Variants in MAPK8IP3 observed in about 807,000 individuals in gnomAD.
The protein encoded by MAPK8IP3 is C-Jun-amino-terminal kinase-interacting protein 3.
A neutral mutation model predicts 157.8 loss-of-function variants in MAPK8IP3; 49 were observed. The observed-to-expected ratio is 0.31, with a 90% CI of 0.25 to 0.39. The LOEUF is 0.39. Ranked by LOEUF, MAPK8IP3 falls within the 10% of genes least tolerant of loss-of-function variation. The probability of loss-of-function intolerance (pLI) is 1.00; values close to 1 mark genes in which losing one functional copy is unlikely to be tolerated. For synonymous variants in MAPK8IP3, 897 were observed against 777.7 expected, an observed-to-expected ratio of 1.15 and a Z score of -2.55; for missense variants, 1,478 against 1,889.4, an observed-to-expected ratio of 0.78 and a Z score of 4.04.
At position 1,768,880 on chromosome 16, in the gene MAPK8IP3, C is replaced by A; in HGVS notation, c.*56C>A. 6.3e-7 allele frequency: 1 copy of A among 1,589,150 alleles called. No individual in the cohort carries two copies. The highest frequency in any genetic ancestry group is 1.1e-5 in the South Asian group (1 of 90,088). ...ATAGGACCCCCGACCACCTGACCCCCGCCCGGCCCGCGGGGTAGCCAGCCA... is the reference window on the plus strand; with the variant it reads ...ATAGGACCCCCGACCACCTGACCCCAGCCCGGCCCGCGGGGTAGCCAGCCA... On this transcript the variant is annotated 3_prime_UTR_variant, in exon 32 of 32. Coordinates refer to ENST00000610761, the MANE Select transcript of MAPK8IP3 (RefSeq NM_001318852.2).
In MAPK8IP3 at chr16:1,768,634, G is replaced by A; in HGVS notation, c.3892+8G>A. 1.2e-6 allele frequency: 2 copies of A among 1,608,042 alleles called. No individual in the cohort carries two copies. Among genetic ancestry groups the A allele is most frequent in the Non-Finnish European group, 1.7e-6 (2 of 1,177,846 alleles). On this transcript the variant is annotated splice_region_variant and intron_variant, in intron 31 of 31. Transcript: ENST00000610761. ...ACATCGACTTCCGCATTGGTGAGCGGGGCCCAGGGACAGGGCTGAGGTTGG... is the reference window on the plus strand; with the variant it reads ...ACATCGACTTCCGCATTGGTGAGCGAGGCCCAGGGACAGGGCTGAGGTTGG...
At chr16:1,745,211 G>C (rs903470222) in intron 5 of MAPK8IP3, 8 of 983,042 alleles carry the variant, frequency 8.1e-6, no homozygotes, top group Non-Finnish European at 9.7e-6. Context: ...CAGCCACCAT[G>C]AGGGTCAGGA....
chr16:1,750,664 A>C (rs1359549053), intron 8 of MAPK8IP3, among the ~76,000 whole-genome samples: 1 of 143,484 alleles, frequency 7.0e-6, no homozygotes, highest in Non-Finnish European at 1.5e-5. Context: ...TTTTTTTTTG[A>C]GACGGAGTCC....
At position 1,768,731 on chromosome 16, in the gene MAPK8IP3, G is replaced by C; in HGVS notation, c.3921G>C (p.Glu1307Asp). The change falls in exon 32 of 32, where the codon GAG becomes GAC. Residue 1307 changes from glutamate (E) to aspartate (D), a missense_variant. Glu to Asp is a conservative substitution (Grantham distance 45). Coordinates refer to ENST00000610761, the MANE Select transcript of MAPK8IP3 (RefSeq NM_001318852.2). ...IGDGEDDETEEGAGDMSQVKP... is the reference protein window; with the variant it reads ...IGDGEDDETEDGAGDMSQVKP... ...ACGGAGAGGACGACGAGACGGAGGA[G>C]GGCGCAGGGGACATGAGCCAGGTGA... 1 of 1,612,776 alleles carries C rather than the reference G, an allele frequency of 6.2e-7. No homozygotes were observed. The highest frequency in any genetic ancestry group is 8.5e-7 in the Non-Finnish European group (1 of 1,179,858).
In MAPK8IP3 at chr16:1,751,877, C is replaced by T. The variant is rs2141880562; in HGVS notation, c.1216+3157C>T. On this transcript the variant is annotated intron_variant, in intron 8 of 31. Coordinates refer to ENST00000610761, the MANE Select transcript of MAPK8IP3 (RefSeq NM_001318852.2). The surrounding 1 kb of genome is among the most constrained non-coding windows in gnomAD (Gnocchi z 5.0). ...TCCCAGCTGCAGCGTGTCAGTGCCT[C>T]CTGGCTTTTCACTGCTGAGTAGTGC... The T allele has an allele frequency of 6.6e-6, 1 of 152,406 alleles. No individual in the cohort carries two copies. The highest frequency in any genetic ancestry group is 2.1e-4 in the South Asian group (1 of 4,818). 9.4% of individuals were successfully genotyped at this position (152,406 alleles called of 1,614,324 possible).
intron 1 of MAPK8IP3, among the ~76,000 whole-genome samples, chr16:1,712,013 C>T (rs1360036919): frequency 2.7e-5 from 4 of 148,640 alleles, no homozygotes; most frequent in Non-Finnish European, 5.9e-5. Context: ...AGTATCTAGC[C>T]GCCACTAGGT....
intron 2 of MAPK8IP3, among the ~76,000 whole-genome samples, chr16:1,728,239 G>A (rs932144310): frequency 5.3e-5 from 8 of 152,180 alleles, no homozygotes; most frequent in African/African-American, 1.7e-4. Context: ...TTGGTGTCAC[G>A]GGGGGCCTCC....
At position 1,767,897 on chromosome 16, in the gene MAPK8IP3, A is replaced by C; in HGVS notation, c.3502A>C (p.Ile1168Leu). ...GGTGGGCACCGGCAACGGAGTGGTC[A>C]TCTCCATCCCCCTGACAGAGAGTGA... ...LWVGTGNGVV[I>L]SIPLTETVVL... Residue 1168 changes from isoleucine (I) to leucine (L), a missense_variant, in exon 28 of 32, where the codon ATC becomes CTC. Ile to Leu is a conservative substitution (Grantham distance 5, BLOSUM62 2). Around this residue, in one of 11 missense-constraint regions of MAPK8IP3, gnomAD observed 83 missense variants for 85.3 expected, o/e 0.97. Transcript: ENST00000610761. 6.2e-7 allele frequency: 1 copy of C among 1,611,274 alleles called. No individual in the cohort carries two copies. Among genetic ancestry groups the C allele is most frequent in the Non-Finnish European group, 8.5e-7 (1 of 1,179,892 alleles).
chr16:1,767,566 G>A lies in MAPK8IP3; in HGVS notation c.3240G>A (p.Lys1080=), dbSNP rs201801186. The change falls in exon 27 of 32, where the codon AAG becomes AAA. Residue 1080 remains lysine (K), a splice_region_variant and synonymous_variant. Transcript: ENST00000610761. ...VIQPKTMQIE[K]SFDAHPRRES... is the part of the protein sequence containing the mutation. ...GATGGGCAGCCATGACTCCACAGAAGTCATTTGACGCCCACCCGCGGCGGG... is the reference window on the plus strand; with the variant it reads ...GATGGGCAGCCATGACTCCACAGAAATCATTTGACGCCCACCCGCGGCGGG... 41 of 1,611,474 alleles carry A rather than the reference G, an allele frequency of 2.5e-5. No individual in the cohort carries two copies. The South Asian group carries it at 3.5e-4, about 14-fold the overall frequency.
Position 1,767,478 on chromosome 16 carries a change from G to A in MAPK8IP3, c.3238-86G>A. 3.9e-6 allele frequency: 6 copies of A among 1,534,158 alleles called. No homozygotes were observed. In the South Asian group the frequency reaches 7.2e-5, roughly 18 times the overall value. ...GGCTGGGAGGTCTGAGGGGACTGCA[G>A]GTGGCCCTGGAGCTGTGGCAGGTTT... On this transcript the variant is annotated intron_variant, in intron 26 of 31. Coordinates refer to ENST00000610761, the MANE Select transcript of MAPK8IP3 (RefSeq NM_001318852.2).
rs2039522361 is a variant in MAPK8IP3 at position 1,734,371 on chromosome 16, T to A, written c.602+4793T>A. Among the ~76,000 whole-genome samples the A allele has an allele frequency of 2.6e-5, 4 of 152,280 alleles. No homozygotes were observed. The South Asian group carries it at 8.3e-4, about 32-fold the overall frequency. ...CCGCATCACCAGCGCACGGAATCGG[T>A]CACGCCTGCTGTTGCGGTGGTGGCA... is the stretch of plus-strand genomic sequence containing the variant. On this transcript the variant is annotated intron_variant, in intron 4 of 31. Transcript: ENST00000610761.
chr16:1,714,949 G>C (rs2038046982), intron 1 of MAPK8IP3, among the ~76,000 whole-genome samples: 1 of 152,098 alleles, frequency 6.6e-6, no homozygotes, highest in South Asian at 2.1e-4. Flanking sequence ...TGTTTCATAG[G>C]ATGGGACACT....
intron 1 of MAPK8IP3, among the ~76,000 whole-genome samples, chr16:1,720,239 T>G (rs964417742): frequency 6.6e-6 from 1 of 152,230 alleles, no homozygotes; most frequent in Non-Finnish European, 1.5e-5. Context: ...TTTCACCGTG[T>G]TGGCCAGGCT....
At chr16:1,729,811 C>T (rs1053629399) in intron 4 of MAPK8IP3, among the ~76,000 whole-genome samples, 1 of 152,102 alleles carries the variant, frequency 6.6e-6, no homozygotes, top group Non-Finnish European at 1.5e-5. Flanking sequence ...GTCCCTTCTG[C>T]TCGGTCCACA....
chr16:1,753,356 G>A (rs1170371013), intron 8 of MAPK8IP3, among the ~76,000 whole-genome samples: 2 of 152,162 alleles, frequency 1.3e-5, no homozygotes, highest in African/African-American at 4.8e-5. Context: ...CTAGACTCAA[G>A]TGATCCTCCC....
intron 1 of MAPK8IP3, among the ~76,000 whole-genome samples, chr16:1,723,414 G>T (rs1024251855): frequency 6.6e-6 from 1 of 151,914 alleles, no homozygotes; most frequent in African/African-American, 2.4e-5. Flanking sequence ...ACTCACTCAG[G>T]CTGGTGGCTC....
At chr16:1,767,395 GT>G (rs1188532382) in intron 26 of MAPK8IP3, 98 bp downstream of exon 26, 5 of 1,548,194 alleles carry the variant, frequency 3.2e-6, no homozygotes, top group Non-Finnish European at 4.4e-6. Context: ...CCCTACGTGG[GT>G]CCCATCTCCC....
In MAPK8IP3 at chr16:1,764,401, G is replaced by C; in HGVS notation, c.2222G>C (p.Cys741Ser). The C allele has an allele frequency of 6.2e-7, 1 of 1,602,984 alleles. No individual in the cohort carries two copies. Among genetic ancestry groups the C allele is most frequent in the Non-Finnish European group, 8.5e-7 (1 of 1,176,360 alleles). ...KPAPGRDPLT[C>S]DREGDGEPKS... is the part of the protein sequence containing the mutation. ...GCGCCAGGCCGCGATCCCCTGACCT[G>C]CGACCGCGAAGGAGACGGCGAGCCC... The change falls in exon 19 of 32, where the codon TGC becomes TCC. Residue 741 changes from cysteine (C) to serine (S), a missense_variant. Cys to Ser is a moderately radical substitution (Grantham distance 112). This residue lies in a region of MAPK8IP3 where 669 missense variants were observed against 759.8 expected (regional missense o/e 0.88). Coordinates refer to ENST00000610761, the MANE Select transcript of MAPK8IP3 (RefSeq NM_001318852.2).
chr16:1,766,242 C>T lies in MAPK8IP3; in HGVS notation c.2652C>T (p.Asn884=), dbSNP rs751549342. ...CAGGGGAGGTGGCCACCATCGCCAA[C>T]GGGAAGGTCAACCCGTCCCAGTCCA... is the stretch of plus-strand genomic sequence containing the variant. The part of the protein sequence containing the change: ...KGQGEVATIA[N]GKVNPSQSTE... The change falls in exon 22 of 32, where the codon AAC becomes AAT. Residue 884 remains asparagine, a synonymous_variant. Coordinates refer to ENST00000610761, the MANE Select transcript of MAPK8IP3 (RefSeq NM_001318852.2). The T allele has an allele frequency of 8.7e-6, 14 of 1,610,346 alleles. No individual in the cohort carries two copies. Among genetic ancestry groups the T allele is most frequent in the South Asian group, 2.2e-5 (2 of 91,042 alleles).
Sources: gnomAD v4.1 joint callset for allele counts (sites outside exome capture counted in the v4.1 genomes callset) on GRCh38, gnomAD v4.1.1 for gene constraint, gnomAD v4.1.1 regional missense constraint, Gnocchi (gnomAD v3.1) non-coding constraint, MANE v1.5 for transcripts, NCBI Gene and HGNC (gene_info 2026-07-23, HGNC 2026-07-21) for gene names.